Variants in URI1 observed in about 807,000 individuals in gnomAD.
URI1 encodes the protein URI1 prefoldin like chaperone, also known as unconventional prefoldin RPB5 interactor 1.
In URI1, 39 loss-of-function variants were observed where a neutral mutation model predicts 60.2. The ratio of observed to expected loss-of-function variants is 0.65; its 90% CI spans 0.50 to 0.85. URI1 has a LOEUF of 0.85. Among genes scored for constraint, URI1 ranks in the 40% least tolerant of loss-of-function variants. The pLI, the probability that URI1 is intolerant of heterozygous loss-of-function variation, is 0.00. For missense variants in URI1, 691 were observed against 665.9 expected, an observed-to-expected ratio of 1.04 and a Z score of -0.42; for synonymous variants, 251 against 236.8, an observed-to-expected ratio of 1.06 and a Z score of -0.55.
At chr19:29,938,664 G>C (rs1599651985), upstream of URI1, among the ~76,000 whole-genome samples, 1 of 151,990 alleles carries the variant, frequency 6.6e-6, no homozygotes, top group African/African-American at 2.4e-5. Context: ...AAAGTAATAA[G>C]GTAATAAAAT....
intron 2 of URI1, among the ~76,000 whole-genome samples, chr19:29,978,497 A>ATT (rs199514705): frequency 2.0e-5 from 3 of 150,872 alleles, no homozygotes; most frequent in East Asian, 1.9e-4. Context: ...TTCATTTTCC[A>ATT]TTTTTTTTTA....
At chr19:29,993,478 T>C (rs1450981813) in intron 4 of URI1, among the ~76,000 whole-genome samples, 1 of 152,248 alleles carries the variant, frequency 6.6e-6, no homozygotes, top group East Asian at 1.9e-4. Flanking sequence ...TGAGAAACTT[T>C]TAAAATGTAA....
chr19:29,976,878 G>A (rs2055529482), intron 2 of URI1, among the ~76,000 whole-genome samples: 1 of 152,110 alleles, frequency 6.6e-6, no homozygotes, highest in Admixed American at 6.5e-5. Flanking sequence ...TTGTTCAGGT[G>A]TTTAATTTTG....
upstream of URI1, among the ~76,000 whole-genome samples, chr19:29,938,292 G>C (rs143276657): frequency 4.8e-3 from 728 of 152,262 alleles, 8 homozygotes; most frequent in African/African-American, 0.017. Context: ...AAGGCAAATG[G>C]GGAGCTGCAC....
intron 1 of URI1, among the ~76,000 whole-genome samples, chr19:29,970,881 T>C (rs1301486514): frequency 1.3e-5 from 2 of 152,208 alleles, no homozygotes; most frequent in African/African-American, 4.8e-5. Context: ...TGAAAACAGG[T>C]CTGTAGATTG....
intron 2 of URI1, among the ~76,000 whole-genome samples, chr19:29,980,651 A>ATGG (rs2145356582): frequency 7.2e-6 from 1 of 138,140 alleles, no homozygotes; most frequent in Non-Finnish European, 1.5e-5. Flanking sequence ...TGGGCCAGGC[A>ATGG]TGGTGGCTCA....
intron 1 of URI1, among the ~76,000 whole-genome samples, chr19:29,934,419 C>T (rs1390981873): frequency 6.6e-6 from 1 of 152,216 alleles, no homozygotes; most frequent in Non-Finnish European, 1.5e-5. Flanking sequence ...AGTCCAAGAT[C>T]AAGGTGTCAG....
At chr19:29,951,835 A>C (rs1227332797) in intron 1 of URI1, among the ~76,000 whole-genome samples, 3 of 152,202 alleles carry the variant, frequency 2.0e-5, no homozygotes. Flanking sequence ...GGCGTGAGCC[A>C]CCGTGCCTGG....
At chr19:30,007,370 C>G in intron 6 of URI1, 100 bp from the exon 7 acceptor site, 1 of 1,342,698 alleles carries the variant, frequency 7.4e-7, no homozygotes, top group African/African-American at 1.5e-5. Context: ...CCCTCTGTTT[C>G]AATATTTCCC....
intron 4 of URI1, among the ~76,000 whole-genome samples, chr19:29,987,882 T>C: frequency 6.6e-6 from 1 of 152,088 alleles, no homozygotes; most frequent in East Asian, 1.9e-4. Context: ...TACAATAAAT[T>C]CTGGGCCGGG....
Position 29,956,469 on chromosome 19 carries a change from T to G in URI1, c.117+13805T>G, listed in dbSNP as rs565459281. ...CAGAGACATAGATACCATCCAAAAA[T>G]TTCCTGATATCCTTGTTTTTAACTG... is the stretch of plus-strand genomic sequence containing the variant. On this transcript the variant is annotated intron_variant, in intron 1 of 10. Coordinates refer to ENST00000392271, the MANE Select transcript of URI1 (RefSeq NM_003796.3). 15 of 1,590,244 alleles carry G rather than the reference T, an allele frequency of 9.4e-6. 1 individual carries two copies. The Admixed American group carries it at 1.5e-4, about 16-fold the overall frequency.
intron 4 of URI1, among the ~76,000 whole-genome samples, chr19:30,003,654 T>G (rs1352077476): frequency 1.3e-5 from 2 of 152,078 alleles, no homozygotes; most frequent in Non-Finnish European, 2.9e-5. Flanking sequence ...CAACAATAGT[T>G]GATTGAAAGT....
At chr19:29,943,130 A>G (rs2055054047) in intron 1 of URI1, among the ~76,000 whole-genome samples, 2 of 152,132 alleles carry the variant, frequency 1.3e-5, no homozygotes, top group South Asian at 4.1e-4. Context: ...ATTAAAAAAA[A>G]AAGAGAGTCT....
intron 2 of URI1, among the ~76,000 whole-genome samples, chr19:29,979,861 T>C (rs1407556204): frequency 6.6e-6 from 1 of 152,212 alleles, no homozygotes; most frequent in East Asian, 1.9e-4. Flanking sequence ...TTGAAATTAC[T>C]GAATATTTTG....
chr19:29,933,396 T>C (rs1432525310), intron 1 of URI1, among the ~76,000 whole-genome samples: 1 of 152,230 alleles, frequency 6.6e-6, no homozygotes. Context: ...TTTCTGATTT[T>C]TTGGAGTACA....
chr19:29,984,985 T>TG (rs2055644816), intron 2 of URI1, among the ~76,000 whole-genome samples: 1 of 151,508 alleles, frequency 6.6e-6, no homozygotes, highest in Non-Finnish European at 1.5e-5. Flanking sequence ...CCTTGCATGG[T>TG]GGCGCACACT....
intron 1 of URI1, among the ~76,000 whole-genome samples, chr19:29,952,272 A>G (rs2055189440): frequency 6.6e-6 from 1 of 152,228 alleles, no homozygotes; most frequent in South Asian, 2.1e-4. Context: ...ATGCACAAAG[A>G]TTATAAGAGA....
chr19:29,934,485 C>G (rs558075540), intron 1 of URI1, among the ~76,000 whole-genome samples: 1 of 152,320 alleles, frequency 6.6e-6, no homozygotes, highest in South Asian at 2.1e-4. Flanking sequence ...TGCCTTCTCA[C>G]TACAATCCCA....
chr19:29,947,722 G>A (rs1486237274), intron 1 of URI1, among the ~76,000 whole-genome samples: 1 of 152,184 alleles, frequency 6.6e-6, no homozygotes, highest in African/African-American at 2.4e-5. Flanking sequence ...TATATTGTAA[G>A]TTTCTTCCCT....
Sources: allele counts gnomAD v4.1 joint callset (sites outside exome capture counted in the v4.1 genomes callset), GRCh38; gene constraint gnomAD v4.1.1; transcripts MANE v1.5; gene names NCBI Gene and HGNC (gene_info 2026-07-23, HGNC 2026-07-21).